The following DNMT3A variants were observed in gnomAD, a reference collection of about 807,000 sequenced individuals.
DNMT3A encodes the protein DNA methyltransferase 3 alpha.
In DNMT3A, 267 loss-of-function variants were observed where a neutral mutation model predicts 117.6. That is an observed-to-expected ratio of 2.27 (90% confidence interval 2.05 to 2.51). The LOEUF (loss-of-function observed/expected upper bound fraction) is 2.51. Among genes scored for constraint, DNMT3A ranks in the 30% most tolerant of loss-of-function variants. The pLI, the probability that DNMT3A is intolerant of heterozygous loss-of-function variation, is 0.00. For missense variants in DNMT3A, 1,029 were observed against 1,260.2 expected (o/e 0.82, Z 2.78); for synonymous variants, 432 against 474.8 (o/e 0.91, Z 1.17).
chr2:25,249,583 C>G, intron 6 of DNMT3A: 1 of 1,559,026 alleles, frequency 6.4e-7, no homozygotes, highest in Non-Finnish European at 8.9e-7. Context: ...CAGGCGTGCT[C>G]TCTGCCATCC....
intron 2 of DNMT3A, among the ~76,000 whole-genome samples, chr2:25,312,565 C>T (rs1009844767): frequency 6.6e-6 from 1 of 152,166 alleles, no homozygotes; most frequent in Non-Finnish European, 1.5e-5. Flanking sequence ...GTGGGAAGGG[C>T]TCGGACCTGG....
At position 25,252,634 on chromosome 2, in the gene DNMT3A, G is replaced by T. The variant is rs961647335; in HGVS notation, c.640-4382C>A. On this transcript the variant is annotated intron_variant, in intron 6 of 22. Transcript: ENST00000321117. This position sits in a 1 kb window ranked among gnomAD's most constrained non-coding sequence, Gnocchi z 5.5. ...TTAGCGCGGGGCCGGGGGGCCGGGA[G>T]GGGAGGGAAGGGGCTGCTCCCGAGC... is the stretch of plus-strand genomic sequence containing the variant. 1.3e-5 allele frequency among the ~76,000 whole-genome samples: 2 copies of T among 152,148 alleles called. No individual in the cohort carries two copies. The highest frequency in any genetic ancestry group is 2.9e-5 in the Non-Finnish European group (2 of 68,006).
In DNMT3A at chr2:25,313,949, G is replaced by A. The variant is rs755420185; in HGVS notation, c.36C>T (p.Thr12=). The part of the protein sequence containing the change: ...PAMPSSGPGD[T]SSSAAEREED... The stretch of plus-strand genomic sequence containing the variant: ...CCTCCCGCTCCGCAGCAGAGCTGCT[G>A]GTGTCCCCGGGGCCGCTGGAGGGCA... Residue 12 remains threonine (T), a synonymous_variant, in exon 2 of 23, where the codon ACC becomes ACT. Transcript: ENST00000321117. 131 of 1,550,174 alleles carry A rather than the reference G, an allele frequency of 8.5e-5. No individual in the cohort carries two copies. The highest frequency in any genetic ancestry group is 1.1e-4 in the Non-Finnish European group (127 of 1,147,142).
chr2:25,246,862 A>T, intron 9 of DNMT3A, 86 bp from the exon 10 acceptor site: 6 of 1,564,372 alleles, frequency 3.8e-6, no homozygotes, highest in Non-Finnish European at 5.2e-6. Context: ...CTGAGTAGTG[A>T]GGGTGGCACA....
chr2:25,250,553 C>T (rs1003630963), intron 6 of DNMT3A, among the ~76,000 whole-genome samples: 5 of 152,212 alleles, frequency 3.3e-5, no homozygotes, highest in African/African-American at 1.2e-4. Flanking sequence ...TTCCTACTAT[C>T]AATTAGCCAT....
intron 3 of DNMT3A, among the ~76,000 whole-genome samples, chr2:25,297,017 C>T (rs1271972904): frequency 6.6e-6 from 1 of 152,194 alleles, no homozygotes; most frequent in East Asian, 1.9e-4. Flanking sequence ...TTAAAGCTCC[C>T]TGGCAAATCT....
chr2:25,239,376 C>T, intron 19 of DNMT3A, 161 bp from the exon 20 acceptor site: 1 of 683,778 alleles, frequency 1.5e-6, no homozygotes, highest in Non-Finnish European at 2.7e-6. Flanking sequence ...TGGAATTACA[C>T]CTAGCCACAT....
intron 4 of DNMT3A, among the ~76,000 whole-genome samples, chr2:25,279,279 TA>T (rs2031701641): frequency 6.6e-6 from 1 of 152,150 alleles, no homozygotes; most frequent in Admixed American, 6.5e-5. Context: ...AACGCTGCCT[TA>T]AAAAGTCTGT....
rs1222098175 is a variant in DNMT3A, at chr2:25,247,248, G to A, written c.1015-90C>T. ...GCAACTGGCAGGGGCTGGGAGCCTC[G>A]AGAGTCAGTCTCAGCCCTGGAGGGG... is the stretch of plus-strand genomic sequence containing the variant. On this transcript the variant is annotated intron_variant, in intron 8 of 22. Coordinates refer to ENST00000321117, the MANE Select transcript of DNMT3A (RefSeq NM_022552.5). This position sits in a 1 kb window ranked among gnomAD's most constrained non-coding sequence, Gnocchi z 5.6. 1.1e-5 allele frequency: 14 copies of A among 1,320,880 alleles called. No individual in the cohort carries two copies. The highest frequency in any genetic ancestry group is 1.8e-4 in the Middle Eastern group (1 of 5,526). 81.8% of individuals were successfully genotyped at this position (1,320,880 alleles called of 1,614,324 possible).
intron 1 of DNMT3A, among the ~76,000 whole-genome samples, chr2:25,341,179 C>T (rs1256754160): frequency 5.5e-5 from 8 of 144,976 alleles, no homozygotes; most frequent in South Asian, 2.1e-4. Context: ...CCTCCCGGGT[C>T]CCCCGCCCCG....
rs1260432559 is a variant in DNMT3A, at chr2:25,306,342, C to A, written c.73-6099G>T. 6.6e-6 allele frequency among the ~76,000 whole-genome samples: 1 copy of A among 152,202 alleles called. No individual in the cohort carries two copies. Among genetic ancestry groups the A allele is most frequent in the Non-Finnish European group, 1.5e-5 (1 of 68,040 alleles). On this transcript the variant is annotated intron_variant, in intron 2 of 22. Coordinates refer to ENST00000321117, the MANE Select transcript of DNMT3A (RefSeq NM_022552.5). The surrounding 1 kb of genome is among the most constrained non-coding windows in gnomAD (Gnocchi z 4.1). The stretch of plus-strand genomic sequence containing the variant: ...ACTTTTTCTGATCTCAGTCACCTCC[C>A]AAGGCTCATCAGCCCTTTATTTCAA...
chr2:25,326,666 G>C (rs2034800030), intron 1 of DNMT3A, among the ~76,000 whole-genome samples: 1 of 152,210 alleles, frequency 6.6e-6, no homozygotes, highest in African/African-American at 2.4e-5. Context: ...CTAGCAGCCA[G>C]ATCTTGCTGC....
intron 6 of DNMT3A, among the ~76,000 whole-genome samples, chr2:25,260,865 G>A (rs1027700566): frequency 2.0e-5 from 3 of 152,138 alleles, no homozygotes; most frequent in South Asian, 4.1e-4. Context: ...ATGGTGGCAC[G>A]TGCCTGTAAT....
Position 25,294,101 on chromosome 2 carries a change from G to A in DNMT3A, c.177+6038C>T, listed in dbSNP as rs1159881560. ...CCTTCCTTCCTCCACACCCAGCTCA[G>A]CTGGGGTCGGGGGTGCCTCTCACTT... On this transcript the variant is annotated intron_variant, in intron 3 of 22. Transcript: ENST00000321117. This position sits in a 1 kb window ranked among gnomAD's most constrained non-coding sequence, Gnocchi z 4.7. Among the ~76,000 whole-genome samples the A allele has an allele frequency of 2.6e-5, 4 of 152,170 alleles. No homozygotes were observed. Among genetic ancestry groups the A allele is most frequent in the Non-Finnish European group, 5.9e-5 (4 of 68,036 alleles).
intron 6 of DNMT3A, among the ~76,000 whole-genome samples, chr2:25,272,701 T>G (rs1032631088): frequency 1.3e-5 from 2 of 152,100 alleles, no homozygotes; most frequent in African/African-American, 4.8e-5. Flanking sequence ...CAGGCTGCCC[T>G]TTCTCCGGGC....
Position 25,247,781 on chromosome 2 carries a change from A to T in DNMT3A, c.856-32T>A. 1 of 1,604,606 alleles carries T rather than the reference A, an allele frequency of 6.2e-7. No homozygotes were observed. The highest frequency in any genetic ancestry group is 8.5e-7 in the Non-Finnish European group (1 of 1,177,692). On this transcript the variant is annotated intron_variant, in intron 7 of 22. Coordinates refer to ENST00000321117, the MANE Select transcript of DNMT3A (RefSeq NM_022552.5). The surrounding 1 kb of genome is among the most constrained non-coding windows in gnomAD (Gnocchi z 5.6). ...CCCCAAGGAGCAGAAATCATTACAC[A>T]GTGGTCACGAGGCCCTGCCACCCTG... is the stretch of plus-strand genomic sequence containing the variant.
rs966410275 is a variant in DNMT3A, at chr2:25,296,348, C to T, written c.177+3791G>A. 3.9e-5 allele frequency among the ~76,000 whole-genome samples: 6 copies of T among 151,950 alleles called. No homozygotes were observed. The highest frequency in any genetic ancestry group is 2.9e-5 in the Non-Finnish European group (2 of 67,968). On this transcript the variant is annotated intron_variant, in intron 3 of 22. Coordinates refer to ENST00000321117, the MANE Select transcript of DNMT3A (RefSeq NM_022552.5). This position sits in a 1 kb window ranked among gnomAD's most constrained non-coding sequence, Gnocchi z 4.2. Reference sequence around the variant, plus strand: ...GCAGGCTGTGGAACTGTGTAAGGGGCGGGCAGGAGGAATGGCTGGCTAGTG... The same window carrying T: ...GCAGGCTGTGGAACTGTGTAAGGGGTGGGCAGGAGGAATGGCTGGCTAGTG...
rs1195207726 is a variant in DNMT3A, at chr2:25,232,339, A to C, written c.*1940T>G. The C allele has an allele frequency of 1.3e-5, 2 of 152,310 alleles. No homozygotes were observed. Among genetic ancestry groups the C allele is most frequent in the African/African-American group, 4.8e-5 (2 of 41,444 alleles). The allele number at this position is 152,310 out of a possible 1,614,324, so 9.4% of individuals were successfully genotyped here. On this transcript the variant is annotated 3_prime_UTR_variant, in exon 23 of 23. Coordinates refer to ENST00000321117, the MANE Select transcript of DNMT3A (RefSeq NM_022552.5). This position sits in a 1 kb window ranked among gnomAD's most constrained non-coding sequence, Gnocchi z 4.1. Reference sequence around the variant, plus strand: ...GTCGGGCCCTCACCCTGGAGCCAACAATGCCATCCCTTCCTACTACTGACG... The same window carrying C: ...GTCGGGCCCTCACCCTGGAGCCAACCATGCCATCCCTTCCTACTACTGACG...
chr2:25,301,673 C>T (rs2033524522), intron 2 of DNMT3A, among the ~76,000 whole-genome samples: 1 of 152,168 alleles, frequency 6.6e-6, no homozygotes, highest in Non-Finnish European at 1.5e-5. Context: ...TGACTAATCC[C>T]CAGCAGAAAT....
Sources: gnomAD v4.1 joint callset for allele counts (sites outside exome capture counted in the v4.1 genomes callset) on GRCh38, gnomAD v4.1.1 for gene constraint, Gnocchi (gnomAD v3.1) non-coding constraint, MANE v1.5 for transcripts, NCBI Gene and HGNC (gene_info 2026-07-23, HGNC 2026-07-21) for gene names.